Variants in RNF24 observed in about 807,000 individuals in gnomAD.
RNF24 encodes the protein ring finger protein 24.
A neutral mutation model predicts 20.0 loss-of-function variants in RNF24; 14 were observed. The observed-to-expected ratio is 0.70, with a 90% confidence interval of 0.46 to 1.10. RNF24 has a LOEUF of 1.10. Ranked by LOEUF, RNF24 falls within the 50% of genes least tolerant of loss-of-function variation. The pLI is 0.00. For synonymous variants in RNF24, 45 were observed against 61.1 expected, an observed-to-expected ratio of 0.74 and a Z score of 1.23; for missense variants, 124 against 177.6, an observed-to-expected ratio of 0.70 and a Z score of 1.71.
At chr20:3,944,564 G>T (rs2090994900) in intron 4 of RNF24, among the ~76,000 whole-genome samples, 1 of 152,136 alleles carries the variant, frequency 6.6e-6, no homozygotes. Context: ...TAAAAATTCT[G>T]AAAGTTTGTA....
intron 1 of RNF24, among the ~76,000 whole-genome samples, chr20:4,004,371 C>G (rs1316339273): frequency 3.3e-5 from 5 of 151,984 alleles, no homozygotes; most frequent in African/African-American, 1.2e-4. Context: ...AGACAGTAGT[C>G]AAAGTAAAAA....
rs1009284458 is a variant in RNF24, at chr20:3,928,784, TG to T, written c.*5278del. The T allele has an allele frequency of 2.2e-5, 3 of 139,020 alleles. 1 individual carries two copies. The highest frequency in any genetic ancestry group is 1.5e-4 in the Admixed American group (2 of 13,762). The allele number at this position is 139,020 out of a possible 1,614,324, so 8.6% of individuals were successfully genotyped here. On this transcript the variant is annotated 3_prime_UTR_variant, in exon 6 of 6. Coordinates refer to ENST00000358395, the MANE Select transcript of RNF24 (RefSeq NM_001134337.3). ...AAAAAAAAAAAAAAAAAAAAATTGT[TG>T]GGGTAATTTCTGTTGTCAAATGGAA...
chr20:3,951,407 G>A (rs1273358109), intron 2 of RNF24, among the ~76,000 whole-genome samples: 2 of 152,136 alleles, frequency 1.3e-5, no homozygotes, highest in Non-Finnish European at 2.9e-5. Context: ...CCACTGTAGT[G>A]TATCTTGAGG....
At chr20:3,949,552 G>A (rs1054272042) in intron 2 of RNF24, among the ~76,000 whole-genome samples, 3 of 151,218 alleles carry the variant, frequency 2.0e-5, no homozygotes, top group Admixed American at 6.6e-5. Flanking sequence ...GCATGGTGGC[G>A]TGTGGCCTGT....
At chr20:3,952,708 C>T (rs984185653) in intron 2 of RNF24, among the ~76,000 whole-genome samples, 1 of 151,148 alleles carries the variant, frequency 6.6e-6, no homozygotes, top group Admixed American at 6.6e-5. Context: ...TTTGTAGATA[C>T]TCTTTCAAAT....
intron 2 of RNF24, among the ~76,000 whole-genome samples, chr20:3,952,744 G>C (rs559280275): frequency 6.6e-6 from 1 of 151,176 alleles, no homozygotes; most frequent in East Asian, 1.9e-4. Context: ...TGTAGTACTA[G>C]TTTACCAAAA....
In RNF24 at chr20:3,991,343, C is replaced by A. The variant is rs907486677; in HGVS notation, c.-8+24094G>T. On this transcript the variant is annotated intron_variant, in intron 1 of 5. Transcript: ENST00000358395. ...CTTGGCTTACTGCAACCTCCGCCTA[C>A]CTGGTTCAAGTGATTCTCCTGCCTC... 2.0e-5 allele frequency among the ~76,000 whole-genome samples: 3 copies of A among 147,168 alleles called. No homozygotes were observed. In the Admixed American group the frequency reaches 2.1e-4, roughly 10 times the overall value.
At chr20:4,014,546 T>C (rs1452507820) in intron 1 of RNF24, among the ~76,000 whole-genome samples, 3 of 152,122 alleles carry the variant, frequency 2.0e-5, no homozygotes, top group Admixed American at 6.5e-5. Flanking sequence ...AACACAGATA[T>C]ATGAGAATTT....
intron 2 of RNF24, among the ~76,000 whole-genome samples, chr20:3,956,745 A>G (rs1338419817): frequency 1.3e-5 from 2 of 152,188 alleles, no homozygotes; most frequent in African/African-American, 4.8e-5. Context: ...TAGCTTTCTC[A>G]TAAGTTTATT....
At chr20:3,978,326 A>C (rs748943805) in intron 1 of RNF24, among the ~76,000 whole-genome samples, 8 of 152,120 alleles carry the variant, frequency 5.3e-5, no homozygotes. Flanking sequence ...ATGAGCCACC[A>C]CGCCCAGCCA....
intron 1 of RNF24, among the ~76,000 whole-genome samples, chr20:3,983,824 C>T (rs1979636846): frequency 6.6e-6 from 1 of 151,064 alleles, no homozygotes; most frequent in Non-Finnish European, 1.5e-5. Context: ...ACCTGTAGTC[C>T]CAACTACTTG....
intron 1 of RNF24, among the ~76,000 whole-genome samples, chr20:4,013,690 G>C (rs1982645732): frequency 6.6e-6 from 1 of 151,934 alleles, no homozygotes; most frequent in Admixed American, 6.6e-5. Flanking sequence ...TCACCATGTT[G>C]GCCAGGCTGG....
chr20:3,983,996 T>G (rs1192071599), intron 1 of RNF24, among the ~76,000 whole-genome samples: 1 of 145,006 alleles, frequency 6.9e-6, no homozygotes, highest in Non-Finnish European at 1.5e-5. Context: ...CAGTGGCTCA[T>G]GCCAGTAATC....
At chr20:3,938,450 AC>A in intron 4 of RNF24, among the ~76,000 whole-genome samples, 1 of 152,366 alleles carries the variant, frequency 6.6e-6, no homozygotes, top group East Asian at 1.9e-4. Flanking sequence ...AAGCAGAAAC[AC>A]AACCTAAGCA....
chr20:3,947,581 T>C (rs1369989003), intron 3 of RNF24, among the ~76,000 whole-genome samples: 3 of 152,176 alleles, frequency 2.0e-5, no homozygotes, highest in African/African-American at 4.8e-5. Flanking sequence ...TGCTATGTCT[T>C]CTAATAAAGA....
At chr20:3,936,513 C>T (rs557170696) in intron 4 of RNF24, among the ~76,000 whole-genome samples, 1 of 152,142 alleles carries the variant, frequency 6.6e-6, no homozygotes, top group Non-Finnish European at 1.5e-5. Flanking sequence ...GTTTGCAAGC[C>T]CATTTTTGTC....
intron 2 of RNF24, among the ~76,000 whole-genome samples, chr20:3,958,051 C>A (rs1047226972): frequency 6.6e-6 from 1 of 152,110 alleles, no homozygotes; most frequent in African/African-American, 2.4e-5. Flanking sequence ...TTTCAACTGT[C>A]AATTTTTTAC....
chr20:3,984,316 C>T (rs1480988572), intron 1 of RNF24, among the ~76,000 whole-genome samples: 1 of 152,082 alleles, frequency 6.6e-6, no homozygotes, highest in South Asian at 2.1e-4. Flanking sequence ...TTTATGGCCT[C>T]TTGTGAGCTT....
rs34868373 is a variant in RNF24, at chr20:3,982,103, GTCTCTCTC to G, written c.-7-18087_-7-18080del. On this transcript the variant is annotated intron_variant, in intron 1 of 5. Transcript: ENST00000358395. ...AGCCTGGGCAACAGGGTGAGACCTC[GTCTCTCTC>G]TCTCTCTCTCTCTCTCTCTCTCTCA... Among the ~76,000 whole-genome samples the G allele has an allele frequency of 5.2e-3, 711 of 137,108 alleles. 13 individuals carry two copies. Among genetic ancestry groups the G allele is most frequent in the Admixed American group, 0.032 (436 of 13,698 alleles). The allele number at this position is 137,108 out of a possible 152,430, so 89.9% of individuals were successfully genotyped here. A position where few individuals can be genotyped will look rare whatever the true frequency, so the allele number is the denominator to read the frequency against.
Sources: gnomAD v4.1 joint callset for allele counts (sites outside exome capture counted in the v4.1 genomes callset) on GRCh38, gnomAD v4.1.1 for gene constraint, MANE v1.5 for transcripts, NCBI Gene and HGNC (gene_info 2026-07-23, HGNC 2026-07-21) for gene names.